The following GABBR2 variants were observed in gnomAD, a reference collection of about 807,000 sequenced individuals.
GABBR2 encodes gamma-aminobutyric acid type B receptor subunit 2.
Under a neutral mutation model 105.6 loss-of-function variants are expected in GABBR2, and 23 were observed. The ratio of observed to expected loss-of-function variants is 0.22; its 90% CI spans 0.16 to 0.31. The LOEUF (loss-of-function observed/expected upper bound fraction) is 0.31. GABBR2 is among the 10% of genes least tolerant of loss of function. GABBR2 has a pLI of 1.00. For synonymous variants in GABBR2, 478 were observed against 499.7 expected, an observed-to-expected ratio of 0.96 and a Z score of 0.58; for missense variants, 734 against 1,245.5, an observed-to-expected ratio of 0.59 and a Z score of 6.18.
intron 3 of GABBR2, chr9:98,515,945 G>C (rs1425001760): frequency 2.0e-5 from 3 of 152,568 alleles, no homozygotes; most frequent in Admixed American, 2.0e-4. Context: ...CAGGAGGGGA[G>C]AGTAGAGGAA....
intron 1 of GABBR2, among the ~76,000 whole-genome samples, chr9:98,599,502 A>G (rs970263178): frequency 4.6e-5 from 7 of 152,212 alleles, no homozygotes; most frequent in Non-Finnish European, 1.0e-4. Context: ...TCAAGAAACC[A>G]GGGGAATCTT....
At position 98,362,844 on chromosome 9, in the gene GABBR2, A is replaced by T. The variant is rs1266452036; in HGVS notation, c.1771-7T>A. ...GTTTCTGGTCCTTGATGATCTACAG[A>T]GCGGGAAGGAGCAGAGGGGAGCCGA... On this transcript the variant is annotated splice_region_variant and splice_polypyrimidine_tract_variant and intron_variant, in intron 12 of 18. Transcript: ENST00000259455. 4 of 1,564,698 alleles carry T rather than the reference A, an allele frequency of 2.6e-6. No individual in the cohort carries two copies. Among genetic ancestry groups the T allele is most frequent in the Non-Finnish European group, 3.5e-6 (4 of 1,157,648 alleles).
chr9:98,629,742 T>C (rs1240058459), intron 1 of GABBR2, among the ~76,000 whole-genome samples: 2 of 152,304 alleles, frequency 1.3e-5, no homozygotes, highest in East Asian at 3.9e-4. Context: ...AATGAGAACA[T>C]ACAACTCCCA....
At chr9:98,335,456 G>A (rs868751072) in intron 13 of GABBR2, among the ~76,000 whole-genome samples, 1 of 152,092 alleles carries the variant, frequency 6.6e-6, no homozygotes, top group Non-Finnish European at 1.5e-5. Context: ...CTAGAGATTC[G>A]TGAGAGTCTG....
chr9:98,415,793 G>A (rs370372404), intron 7 of GABBR2, among the ~76,000 whole-genome samples: 13 of 152,270 alleles, frequency 8.5e-5, no homozygotes, highest in South Asian at 4.2e-4. Flanking sequence ...GTCACATAAC[G>A]AGTAGGCAAA....
intron 3 of GABBR2, among the ~76,000 whole-genome samples, chr9:98,508,429 T>C (rs1456343222): frequency 6.6e-6 from 1 of 152,172 alleles, no homozygotes; most frequent in Non-Finnish European, 1.5e-5. Flanking sequence ...GGACAGTGGG[T>C]GCAGCGCACC....
intron 13 of GABBR2, among the ~76,000 whole-genome samples, chr9:98,349,971 T>A (rs1451889307): frequency 2.6e-5 from 4 of 152,242 alleles, no homozygotes; most frequent in Middle Eastern, 3.4e-3. Flanking sequence ...TCCGATTCAA[T>A]CTTGGTAGGT....
In GABBR2 at chr9:98,357,304, C is replaced by T. The variant is rs571090987; in HGVS notation, c.1893+5411G>A. On this transcript the variant is annotated intron_variant, in intron 13 of 18. Coordinates refer to ENST00000259455, the MANE Select transcript of GABBR2 (RefSeq NM_005458.8). Reference sequence around the variant, plus strand: ...GTTAACTTTTTCTGTAAACCTAAAACTACCCTAAGAAATAAAGTCTATTAA... The same window carrying T: ...GTTAACTTTTTCTGTAAACCTAAAATTACCCTAAGAAATAAAGTCTATTAA... Among the ~76,000 whole-genome samples, 64 of 152,242 alleles carry T rather than the reference C, an allele frequency of 4.2e-4. 2 individuals carry two copies. In the South Asian group the frequency reaches 0.013, roughly 32 times the overall value.
At chr9:98,620,050 T>C (rs1363419175) in intron 1 of GABBR2, among the ~76,000 whole-genome samples, 2 of 152,188 alleles carry the variant, frequency 1.3e-5, no homozygotes, top group East Asian at 1.9e-4. Flanking sequence ...ACCCGTGAGA[T>C]AGTACATGTG....
intron 6 of GABBR2, among the ~76,000 whole-genome samples, chr9:98,465,197 G>A (rs1047872682): frequency 1.4e-5 from 2 of 146,668 alleles, no homozygotes; most frequent in African/African-American, 2.5e-5. Flanking sequence ...AATACGTGAT[G>A]TGAAAAAAAA....
At chr9:98,444,025 A>C (rs1280179860) in intron 7 of GABBR2, among the ~76,000 whole-genome samples, 1 of 152,238 alleles carries the variant, frequency 6.6e-6, no homozygotes, top group Non-Finnish European at 1.5e-5. Flanking sequence ...TGAGTCAGTC[A>C]GACTTGGTAG....
At chr9:98,314,139 C>G (rs1026757341) in intron 13 of GABBR2, among the ~76,000 whole-genome samples, 9 of 152,290 alleles carry the variant, frequency 5.9e-5, no homozygotes, top group Middle Eastern at 3.4e-3. Flanking sequence ...GTAAGAAACA[C>G]CCCGGAGGGA....
intron 8 of GABBR2, among the ~76,000 whole-genome samples, chr9:98,397,056 C>T (rs1832305863): frequency 6.6e-6 from 1 of 152,212 alleles, no homozygotes; most frequent in South Asian, 2.1e-4. Context: ...AAGTGCTCAG[C>T]AGCGACCCAG....
chr9:98,509,472 G>A (rs1400001362), intron 3 of GABBR2, among the ~76,000 whole-genome samples: 16 of 152,130 alleles, frequency 1.1e-4, no homozygotes, highest in East Asian at 3.8e-4. Context: ...AAACTACTCC[G>A]AGCTACAGGA....
chr9:98,318,916 G>GT (rs147052831), intron 13 of GABBR2, among the ~76,000 whole-genome samples: 41,906 of 141,144 alleles, frequency 0.3, 6,170 homozygotes, highest in East Asian at 0.55. Flanking sequence ...TGTGTGTGTT[G>GT]GGGGTGTGTG....
chr9:98,439,671 T>C (rs1825996325), intron 7 of GABBR2, among the ~76,000 whole-genome samples: 1 of 152,190 alleles, frequency 6.6e-6, no homozygotes, highest in Non-Finnish European at 1.5e-5. Context: ...AATGTCAGAA[T>C]GTGAATTACC....
intron 7 of GABBR2, among the ~76,000 whole-genome samples, chr9:98,410,463 TG>T (rs1564056702): frequency 6.6e-6 from 1 of 151,008 alleles, no homozygotes; most frequent in Non-Finnish European, 1.5e-5. Context: ...GAAGCGGTCA[TG>T]GGAGATTAGA....
intron 1 of GABBR2, among the ~76,000 whole-genome samples, chr9:98,653,676 G>A (rs370842738): frequency 6.6e-6 from 1 of 151,982 alleles, no homozygotes; most frequent in South Asian, 2.1e-4. Context: ...TGTTAGCACA[G>A]CCTCTTCTTT....
At chr9:98,659,526 C>CTTTTTTTTTT (rs149511264) in intron 1 of GABBR2, among the ~76,000 whole-genome samples, 2 of 35,190 alleles carry the variant, frequency 5.7e-5, no homozygotes, top group African/African-American at 9.1e-5. Flanking sequence ...CTTTTCTTTT[C>CTTTTTTTTTT]TTTTTTTTTT....
Sources: gnomAD v4.1 joint callset for allele counts (sites outside exome capture counted in the v4.1 genomes callset) on GRCh38, gnomAD v4.1.1 for gene constraint, MANE v1.5 for transcripts, NCBI Gene and HGNC (gene_info 2026-07-23, HGNC 2026-07-21) for gene names.